PALM2AKAP2: variants seen among roughly 807,000 people sequenced by gnomAD.
PALM2AKAP2 encodes PALM2-AKAP2 fusion protein.
Under a neutral mutation model 71.5 loss-of-function variants are expected in PALM2AKAP2, and 37 were observed. The observed-to-expected ratio is 0.52, with a 90% confidence interval of 0.40 to 0.68. The LOEUF (loss-of-function observed/expected upper bound fraction) is 0.68. Ranked by LOEUF, PALM2AKAP2 falls within the 30% of genes least tolerant of loss-of-function variation. PALM2AKAP2 has a pLI of 0.00. For missense variants in PALM2AKAP2, 1,224 were observed against 1,191.8 expected (o/e 1.03, Z -0.40); for synonymous variants, 468 against 478.8 (o/e 0.98, Z 0.29).
chr9:109,913,846 T>G (rs1286438847), intron 3 of PALM2AKAP2, among the ~76,000 whole-genome samples: 3 of 148,124 alleles, frequency 2.0e-5, no homozygotes, highest in African/African-American at 7.5e-5. Context: ...AAGCTCCGCC[T>G]CCTGGGTTCA....
chr9:109,788,116 A>G (rs962157906), intron 1 of PALM2AKAP2, among the ~76,000 whole-genome samples: 6 of 152,210 alleles, frequency 3.9e-5, no homozygotes, highest in African/African-American at 1.4e-4. Context: ...TCACATCTAG[A>G]TAGGTAATTG....
chr9:110,136,232 A>G, exon 2 of PALM2AKAP2: 1 of 1,614,160 alleles, frequency 6.2e-7, no homozygotes, highest in Non-Finnish European at 8.5e-7. Flanking sequence ...CCCAGATCAC[A>G]AAAACATGGA....
chr9:109,744,128 A>G (rs1828761206), intron 1 of PALM2AKAP2, among the ~76,000 whole-genome samples: 1 of 152,234 alleles, frequency 6.6e-6, no homozygotes. Flanking sequence ...ACTAAACCAG[A>G]GAAGAACTGA....
At chr9:109,834,487 T>C (rs1451032664) in intron 1 of PALM2AKAP2, among the ~76,000 whole-genome samples, 1 of 152,192 alleles carries the variant, frequency 6.6e-6, no homozygotes, top group Admixed American at 6.5e-5. Flanking sequence ...CCAATCATCA[T>C]GTATTGGGAT....
At chr9:109,899,793 A>C (rs1409363017) in intron 3 of PALM2AKAP2, among the ~76,000 whole-genome samples, 2 of 152,044 alleles carry the variant, frequency 1.3e-5, no homozygotes, top group Admixed American at 1.3e-4. Context: ...GCTGCTCTTT[A>C]TGTGGTTAAC....
At position 109,923,867 on chromosome 9, in the gene PALM2AKAP2, G is replaced by A. The variant is rs559630684; in HGVS notation, c.372+18G>A. 1.3e-5 allele frequency: 20 copies of A among 1,558,404 alleles called. No individual in the cohort carries two copies. Among genetic ancestry groups the A allele is most frequent in the Non-Finnish European group, 1.7e-5 (20 of 1,158,004 alleles). ...TTCAGAAGGTGAAGAAAACCAAAAC[G>A]ATTTCTCAAAGTTATTTCCATGGGG... On this transcript the variant is annotated intron_variant, in intron 4 of 9. Transcript: ENST00000302798.
chr9:109,997,765 A>G (rs1047046731), intron 6 of PALM2AKAP2, among the ~76,000 whole-genome samples: 1 of 149,744 alleles, frequency 6.7e-6, no homozygotes, highest in African/African-American at 2.4e-5. Context: ...GAGAAAGCTC[A>G]GGACCAAGGA....
intron 1 of PALM2AKAP2, among the ~76,000 whole-genome samples, chr9:109,665,815 G>A (rs545202075): frequency 5.9e-5 from 9 of 152,346 alleles, no homozygotes; most frequent in South Asian, 2.1e-4. Context: ...TCTAGAGACA[G>A]TAGGCCTTGT....
At chr9:110,145,210 C>T (rs1005294874) in intron 2 of PALM2AKAP2, among the ~76,000 whole-genome samples, 1 of 152,132 alleles carries the variant, frequency 6.6e-6, no homozygotes, top group Non-Finnish European at 1.5e-5. Flanking sequence ...AACAGTGCTT[C>T]CCTAGTGACC....
chr9:109,703,346 G>A (rs1299771242), intron 1 of PALM2AKAP2, among the ~76,000 whole-genome samples: 3 of 152,062 alleles, frequency 2.0e-5, no homozygotes, highest in Non-Finnish European at 4.4e-5. Context: ...CTAAAGAGAA[G>A]GATTTTTCTT....
chr9:109,691,845 TATATATATATATATATATATATACAC>T (rs1478585077), intron 1 of PALM2AKAP2, among the ~76,000 whole-genome samples: 5 of 18,354 alleles, frequency 2.7e-4, no homozygotes, highest in Non-Finnish European at 4.3e-4. Context: ...TATATATATA[TATATATATATATATATATATATACAC>T]ACACACACAC....
intron 2 of PALM2AKAP2, among the ~76,000 whole-genome samples, chr9:109,877,829 G>A (rs1829753289): frequency 6.6e-6 from 1 of 152,160 alleles, no homozygotes; most frequent in African/African-American, 2.4e-5. Context: ...GCCTCTTGCA[G>A]TCTCTACCCT....
chr9:110,153,927 G>A (rs1037488025), intron 2 of PALM2AKAP2, among the ~76,000 whole-genome samples: 3 of 152,216 alleles, frequency 2.0e-5, no homozygotes, highest in Non-Finnish European at 4.4e-5. Context: ...ATGAATATAG[G>A]CTGTGCTTTC....
At chr9:109,972,545 C>T (rs981825140) in intron 6 of PALM2AKAP2, among the ~76,000 whole-genome samples, 1 of 152,206 alleles carries the variant, frequency 6.6e-6, no homozygotes, top group Non-Finnish European at 1.5e-5. Context: ...TGCTGACTGG[C>T]TGGATGACCT....
At chr9:110,015,757 A>C (rs546729517) in intron 6 of PALM2AKAP2, among the ~76,000 whole-genome samples, 197 bp from the exon 7 acceptor site, 1 of 152,264 alleles carries the variant, frequency 6.6e-6, no homozygotes, top group East Asian at 1.9e-4. Flanking sequence ...ATTAGGTAAA[A>C]ACAAAAGAAG....
intron 1 of PALM2AKAP2, among the ~76,000 whole-genome samples, chr9:109,706,582 T>TA (rs1391609420): frequency 6.6e-5 from 10 of 152,276 alleles, no homozygotes; most frequent in East Asian, 1.9e-4. Context: ...AATGCAAACA[T>TA]ACGTTCACAC....
chr9:110,121,735 A>C (rs181405210), intron 1 of PALM2AKAP2, among the ~76,000 whole-genome samples: 1 of 152,336 alleles, frequency 6.6e-6, no homozygotes, highest in Admixed American at 6.5e-5. Flanking sequence ...AGTTCTGACA[A>C]GGGGATTGTC....
At chr9:109,767,515 C>T (rs979432019) in intron 1 of PALM2AKAP2, among the ~76,000 whole-genome samples, 4 of 152,348 alleles carry the variant, frequency 2.6e-5, no homozygotes, top group African/African-American at 7.2e-5. Flanking sequence ...TCTTCCCTGC[C>T]TCATCCCTGG....
intron 1 of PALM2AKAP2, among the ~76,000 whole-genome samples, chr9:109,782,555 T>C (rs1392319245): frequency 6.6e-6 from 1 of 152,216 alleles, no homozygotes; most frequent in East Asian, 1.9e-4. Flanking sequence ...GTATTATAAA[T>C]AATCTGAAAA....
Sources: allele counts gnomAD v4.1 joint callset (sites outside exome capture counted in the v4.1 genomes callset), GRCh38; gene constraint gnomAD v4.1.1; transcripts MANE v1.5; gene names NCBI Gene and HGNC (gene_info 2026-07-23, HGNC 2026-07-21).